TPP2: variants seen among roughly 807,000 people sequenced by gnomAD.
The protein encoded by TPP2 is tripeptidyl peptidase 2.
In TPP2, 34 loss-of-function variants were observed where a neutral mutation model predicts 155.9. The observed-to-expected ratio is 0.22, with a 90% CI of 0.17 to 0.29. The LOEUF (loss-of-function observed/expected upper bound fraction) is 0.29. Ranked by LOEUF, TPP2 falls within the 10% of genes least tolerant of loss-of-function variation. The probability of loss-of-function intolerance (pLI) is 1.00; values close to 1 mark genes in which losing one functional copy is unlikely to be tolerated. For missense variants in TPP2, 1,028 were observed against 1,522.3 expected (o/e 0.68, Z 5.40); for synonymous variants, 510 against 529.4 (o/e 0.96, Z 0.50).
At chr13:102,657,911 C>CT (rs879912778) in intron 25 of TPP2, among the ~76,000 whole-genome samples, 6 of 152,138 alleles carry the variant, frequency 3.9e-5, no homozygotes, top group African/African-American at 4.8e-5. Context: ...TTACTGCTGT[C>CT]TTAAATTACG....
At chr13:102,598,926 ATATT>A (rs763606073) in intron 1 of TPP2, among the ~76,000 whole-genome samples, 9 of 152,202 alleles carry the variant, frequency 5.9e-5, no homozygotes, top group Non-Finnish European at 7.3e-5. Flanking sequence ...TTTGGCAATG[ATATT>A]TATTCTTTTT....
Position 102,628,689 on chromosome 13 carries a change from C to T in TPP2, c.1016+765C>T, listed in dbSNP as rs1881812697. 2.0e-5 allele frequency among the ~76,000 whole-genome samples: 3 copies of T among 152,090 alleles called. No individual in the cohort carries two copies. In the South Asian group the frequency reaches 6.2e-4, roughly 32 times the overall value. On this transcript the variant is annotated intron_variant, in intron 8 of 29. Coordinates refer to ENST00000376052, the MANE Select transcript of TPP2 (RefSeq NM_001330588.2). ...AGTATTTACTTGTTGATCATCTCTC[C>T]CCCATTCCCATCACCAAGCTATCAT...
intron 28 of TPP2, among the ~76,000 whole-genome samples, chr13:102,674,746 A>G (rs1885195592): frequency 6.6e-6 from 1 of 152,230 alleles, no homozygotes; most frequent in African/African-American, 2.4e-5. Flanking sequence ...GTAGGCTTTT[A>G]GTTAAACCAG....
intron 25 of TPP2, among the ~76,000 whole-genome samples, chr13:102,661,244 G>A (rs376428236): frequency 6.5e-5 from 9 of 139,440 alleles, no homozygotes; most frequent in East Asian, 4.2e-4. Flanking sequence ...TATAAAGAAC[G>A]CTAACCTTTT....
At chr13:102,675,368 G>A (rs1032722966) in intron 28 of TPP2, among the ~76,000 whole-genome samples, 2 of 152,196 alleles carry the variant, frequency 1.3e-5, no homozygotes, top group Non-Finnish European at 2.9e-5. Flanking sequence ...GAGCCCTTGA[G>A]TTTGGCTCCT....
chr13:102,638,657 C>G (rs1444199350), intron 15 of TPP2, among the ~76,000 whole-genome samples: 1 of 152,218 alleles, frequency 6.6e-6, no homozygotes, highest in African/African-American at 2.4e-5. Flanking sequence ...TCACTCCCCT[C>G]CATTCCTGCC....
intron 8 of TPP2, among the ~76,000 whole-genome samples, chr13:102,628,219 T>TGAGAAGAA (rs1881779392): frequency 6.6e-6 from 1 of 152,088 alleles, no homozygotes; most frequent in Admixed American, 6.5e-5. Flanking sequence ...CTTGGTTAGG[T>TGAGAAGAA]CTCCCTCACA....
Position 102,645,109 on chromosome 13 carries a change from A to G in TPP2, c.2393+100A>G, listed in dbSNP as rs562789260. On this transcript the variant is annotated intron_variant, in intron 19 of 29. Coordinates refer to ENST00000376052, the MANE Select transcript of TPP2 (RefSeq NM_001330588.2). ...CCTTTTTTTTTTTTAATCCACCTGCATGCTAGAGGTGAGAATTTTATCCTT... is the reference window on the plus strand; with the variant it reads ...CCTTTTTTTTTTTTAATCCACCTGCGTGCTAGAGGTGAGAATTTTATCCTT... 1.4e-4 allele frequency: 150 copies of G among 1,104,662 alleles called. No homozygotes were observed. The African/African-American group carries it at 2.0e-3, about 15-fold the overall frequency. The allele number at this position is 1,104,662 out of a possible 1,614,324, so 68.4% of individuals were successfully genotyped here.
At chr13:102,608,833 T>C (rs1318114419) in intron 2 of TPP2, among the ~76,000 whole-genome samples, 1 of 152,156 alleles carries the variant, frequency 6.6e-6, no homozygotes, top group Non-Finnish European at 1.5e-5. Flanking sequence ...CTGCTTTTTA[T>C]GTTAGATATT....
At chr13:102,636,000 C>T (rs1882355529) in intron 12 of TPP2, among the ~76,000 whole-genome samples, 1 of 152,144 alleles carries the variant, frequency 6.6e-6, no homozygotes, top group Non-Finnish European at 1.5e-5. Flanking sequence ...TAAATTTGGT[C>T]ACTTGAGAAT....
chr13:102,617,055 C>T (rs746912608), intron 4 of TPP2, among the ~76,000 whole-genome samples: 8 of 150,824 alleles, frequency 5.3e-5, no homozygotes, highest in Non-Finnish European at 1.0e-4. Context: ...ATTACAGGCA[C>T]GTGCCACCAC....
At chr13:102,626,787 TTTA>T in intron 6 of TPP2, 1 of 323,066 alleles carries the variant, frequency 3.1e-6, no homozygotes, top group Non-Finnish European at 5.5e-6. Flanking sequence ...TCTCCCTTTT[TTTA>T]TTGTGAATTT....
chr13:102,659,541 G>A (rs146471298), intron 25 of TPP2, among the ~76,000 whole-genome samples: 2 of 152,132 alleles, frequency 1.3e-5, no homozygotes, highest in Admixed American at 6.5e-5. Context: ...AACAGTAGAG[G>A]TCAGAAAGCA....
intron 25 of TPP2, among the ~76,000 whole-genome samples, chr13:102,663,139 A>T (rs1406422731): frequency 3.6e-4 from 20 of 54,918 alleles, no homozygotes; most frequent in South Asian, 1.3e-3. Flanking sequence ...TATTTTTTTT[A>T]ATTAATTAAT....
chr13:102,609,469 C>T (rs1880109652), intron 2 of TPP2, among the ~76,000 whole-genome samples: 1 of 135,960 alleles, frequency 7.4e-6, no homozygotes, highest in Admixed American at 8.2e-5. Context: ...GCGATCTCAA[C>T]TCACTGCAAC....
At chr13:102,667,967 A>G (rs893950975) in intron 27 of TPP2, 7 of 229,038 alleles carry the variant, frequency 3.1e-5, no homozygotes, top group Non-Finnish European at 2.9e-5. Flanking sequence ...AGCGACGCTC[A>G]CATTTATTTA....
At chr13:102,638,352 TA>T in intron 15 of TPP2, 37 bp downstream of exon 15, 1 of 1,584,092 alleles carries the variant, frequency 6.3e-7, no homozygotes. Context: ...CTGGTACATC[TA>T]AGATTTTAAT....
chr13:102,643,533 A>G (rs1244927559), intron 17 of TPP2, among the ~76,000 whole-genome samples, 157 bp downstream of exon 17: 1 of 152,208 alleles, frequency 6.6e-6, no homozygotes, highest in Non-Finnish European at 1.5e-5. Context: ...AAAATAGAAA[A>G]TCTAATCAGG....
At chr13:102,651,465 A>G in intron 24 of TPP2, 68 bp downstream of exon 24, 3 of 1,488,930 alleles carry the variant, frequency 2.0e-6, no homozygotes, top group Non-Finnish European at 1.8e-6. Context: ...TTTTTCTGTC[A>G]CTATTATAAA....
Sources: gnomAD v4.1 joint callset for allele counts (sites outside exome capture counted in the v4.1 genomes callset) on GRCh38, gnomAD v4.1.1 for gene constraint, MANE v1.5 for transcripts, NCBI Gene and HGNC (gene_info 2026-07-23, HGNC 2026-07-21) for gene names.